The following CNTN1 variants were observed in gnomAD, a reference collection of about 807,000 sequenced individuals.
The protein encoded by CNTN1 is contactin 1, also known as contactin-1.
A neutral mutation model predicts 126.4 loss-of-function variants in CNTN1; 38 were observed. The observed-to-expected ratio is 0.30, with a 90% CI of 0.23 to 0.39. The LOEUF is 0.39. Ranked by LOEUF, CNTN1 falls within the 10% of genes least tolerant of loss-of-function variation. The pLI, the probability that CNTN1 is intolerant of heterozygous loss-of-function variation, is 1.00. For synonymous variants in CNTN1, 413 were observed against 422.6 expected (o/e 0.98, Z 0.28); for missense variants, 1,009 against 1,248.4 (o/e 0.81, Z 2.89).
intron 1 of CNTN1, among the ~76,000 whole-genome samples, chr12:40,819,587 C>G (rs755069998): frequency 2.0e-5 from 3 of 152,184 alleles, no homozygotes; most frequent in South Asian, 2.1e-4. Flanking sequence ...CCCTTCCCCC[C>G]GCCCAGGGAG....
At chr12:41,048,373 G>A (rs1223713605) in intron 23 of CNTN1, among the ~76,000 whole-genome samples, 1 of 151,372 alleles carries the variant, frequency 6.6e-6, no homozygotes, top group African/African-American at 2.4e-5. Flanking sequence ...TCTCTCTTTA[G>A]TCAATGACCT....
intron 1 of CNTN1, among the ~76,000 whole-genome samples, chr12:40,743,033 G>A (rs1220089379): frequency 2.0e-5 from 3 of 152,090 alleles, no homozygotes; most frequent in African/African-American, 4.8e-5. Context: ...CGGCGAGCAG[G>A]ACAAATTATT....
intron 1 of CNTN1, among the ~76,000 whole-genome samples, chr12:40,906,381 T>A (rs759400784): frequency 3.3e-5 from 5 of 152,146 alleles, no homozygotes; most frequent in Non-Finnish European, 5.9e-5. Flanking sequence ...AATTTCAGGC[T>A]TATATATATT....
At chr12:40,845,847 G>A (rs959142392) in intron 1 of CNTN1, among the ~76,000 whole-genome samples, 1 of 152,108 alleles carries the variant, frequency 6.6e-6, no homozygotes, top group East Asian at 1.9e-4. Flanking sequence ...TTCCCGAATT[G>A]TAGCCTTTAT....
chr12:41,071,958 T>C lies in CNTN1; in HGVS notation c.*1923T>C, dbSNP rs372021409. The C allele has an allele frequency of 1.3e-5, 2 of 152,194 alleles. No individual in the cohort carries two copies. Among genetic ancestry groups the C allele is most frequent in the Non-Finnish European group, 2.9e-5 (2 of 68,018 alleles). The allele number at this position is 152,194 out of a possible 1,614,324, so 9.4% of individuals were successfully genotyped here. A position where few individuals can be genotyped will look rare whatever the true frequency, so the allele number is the denominator to read the frequency against. On this transcript the variant is annotated 3_prime_UTR_variant, in exon 24 of 24. Transcript: ENST00000551295. ...TTGCCTTTTATTTTCTAATATATGA[T>C]AATAACGAGCAAAACTGGTTAGATT...
At chr12:40,722,775 T>C (rs190182791) in intron 1 of CNTN1, among the ~76,000 whole-genome samples, 32 of 152,266 alleles carry the variant, frequency 2.1e-4, no homozygotes, top group Admixed American at 1.8e-3. Context: ...TAAGTGTATT[T>C]GAATTTATTT....
chr12:41,024,241 G>C (rs145133003), intron 20 of CNTN1, among the ~76,000 whole-genome samples: 110 of 152,194 alleles, frequency 7.2e-4, no homozygotes, highest in South Asian at 3.3e-3. Context: ...AGGCATTTTG[G>C]TTAATTGTGA....
intron 1 of CNTN1, among the ~76,000 whole-genome samples, chr12:40,696,575 G>T (rs145539953): frequency 6.6e-6 from 1 of 151,992 alleles, no homozygotes; most frequent in Admixed American, 6.6e-5. Context: ...ACTTTAGTTC[G>T]TATCTTAAAA....
At chr12:41,019,798 G>A (rs964380777) in intron 19 of CNTN1, among the ~76,000 whole-genome samples, 9 of 151,954 alleles carry the variant, frequency 5.9e-5, no homozygotes, top group African/African-American at 2.2e-4. Flanking sequence ...AACATAAAAA[G>A]GGAAGTTTTA....
chr12:40,930,324 C>T (rs539715396), intron 7 of CNTN1, among the ~76,000 whole-genome samples: 1 of 152,002 alleles, frequency 6.6e-6, no homozygotes, highest in East Asian at 1.9e-4. Flanking sequence ...TGTTTTGTGG[C>T]CATTCCTACT....
chr12:40,805,582 G>T (rs1315532559), intron 1 of CNTN1, among the ~76,000 whole-genome samples: 1 of 152,018 alleles, frequency 6.6e-6, no homozygotes, highest in Non-Finnish European at 1.5e-5. Flanking sequence ...TTCCCACTGT[G>T]CCCTTTATAT....
chr12:40,902,232 C>A (rs1293499417), intron 1 of CNTN1, among the ~76,000 whole-genome samples: 1 of 152,134 alleles, frequency 6.6e-6, no homozygotes, highest in Non-Finnish European at 1.5e-5. Flanking sequence ...CTAAACCTCA[C>A]AATAACACTC....
intron 17 of CNTN1, among the ~76,000 whole-genome samples, chr12:41,008,549 C>T (rs1022240034): frequency 6.6e-6 from 1 of 152,054 alleles, no homozygotes; most frequent in Admixed American, 6.6e-5. Context: ...TAGTGTTAAC[C>T]CTAGCTAAAT....
intron 1 of CNTN1, among the ~76,000 whole-genome samples, chr12:40,704,450 A>G (rs990769740): frequency 3.3e-5 from 5 of 152,160 alleles, no homozygotes; most frequent in Non-Finnish European, 2.9e-5. Context: ...TTAAGAAAAG[A>G]TAATTAAACA....
In CNTN1 at chr12:40,984,522, G is replaced by T. The variant is rs571290962; in HGVS notation, c.1963+3455G>T. On this transcript the variant is annotated intron_variant, in intron 16 of 23. Coordinates refer to ENST00000551295, the MANE Select transcript of CNTN1 (RefSeq NM_001843.4). ...GGAGCAACAAAGAGAGAAGCAAGGTGCTAGGCTCTTCGTAACAATCAGTTC... is the reference window on the plus strand; with the variant it reads ...GGAGCAACAAAGAGAGAAGCAAGGTTCTAGGCTCTTCGTAACAATCAGTTC... Among the ~76,000 whole-genome samples, 188 of 152,298 alleles carry T rather than the reference G, an allele frequency of 1.2e-3. 8 individuals carry two copies. In the South Asian group the frequency reaches 0.037, roughly 30 times the overall value.
intron 15 of CNTN1, 27 bp from the exon 16 acceptor site, chr12:40,980,882 G>A (rs1373859902): frequency 3.7e-6 from 6 of 1,610,380 alleles, no homozygotes; most frequent in Non-Finnish European, 5.1e-6. Context: ...GGAATTCACT[G>A]ATTCATTACC....
Position 40,959,569 on chromosome 12 carries a change from TTA to T in CNTN1, c.1804+337_1804+338del, listed in dbSNP as rs1412991712. Among the ~76,000 whole-genome samples, 7 of 152,248 alleles carry T rather than the reference TTA, an allele frequency of 4.6e-5. No homozygotes were observed. The East Asian group carries it at 1.4e-3, about 29-fold the overall frequency. On this transcript the variant is annotated intron_variant, in intron 15 of 23. Transcript: ENST00000551295. ...GTTGTGTATAGTGCTGTTTCCTTTT[TTA>T]TTTCTATGGAAAAGATATATACTGA...
chr12:41,046,946 G>C (rs1453763113), intron 23 of CNTN1, among the ~76,000 whole-genome samples: 1 of 143,356 alleles, frequency 7.0e-6, no homozygotes, highest in African/African-American at 2.6e-5. Context: ...GAAAACAACT[G>C]CCCTATATAC....
At chr12:40,719,181 T>C (rs980859300) in intron 1 of CNTN1, among the ~76,000 whole-genome samples, 6 of 152,232 alleles carry the variant, frequency 3.9e-5, no homozygotes, top group African/African-American at 1.4e-4. Flanking sequence ...AATTAACAGT[T>C]GCTGAGTCAT....
Sources: gnomAD v4.1 joint callset for allele counts (sites outside exome capture counted in the v4.1 genomes callset) on GRCh38, gnomAD v4.1.1 for gene constraint, MANE v1.5 for transcripts, NCBI Gene and HGNC (gene_info 2026-07-23, HGNC 2026-07-21) for gene names.